The following LAMB2 variants were observed in gnomAD, a reference collection of about 807,000 sequenced individuals.
The protein encoded by LAMB2 is laminin subunit beta 2.
LAMB2 carries 119 observed loss-of-function variants against 202.7 expected under a neutral mutation model. The ratio of observed to expected loss-of-function variants is 0.59; its 90% confidence interval spans 0.51 to 0.68. The LOEUF is 0.68. Among genes scored for constraint, LAMB2 ranks in the 30% least tolerant of loss-of-function variants. The pLI is 0.00. For synonymous variants in LAMB2, 818 were observed against 902.2 expected (o/e 0.91, Z 1.67); for missense variants, 2,124 against 2,410.6 (o/e 0.88, Z 2.49).
At chr3:49,128,403 T>A (rs2045443720) in intron 15 of LAMB2, 55 bp downstream of exon 15, 2 of 1,598,170 alleles carry the variant, frequency 1.3e-6, no homozygotes, top group Non-Finnish European at 1.7e-6. Context: ...GCAGGGAGCT[T>A]AGGGCTGGCC....
Position 49,124,294 on chromosome 3 carries a change from G to A in LAMB2, c.3328-8C>T. 6.2e-7 allele frequency: 1 copy of A among 1,613,918 alleles called. No individual in the cohort carries two copies. The highest frequency in any genetic ancestry group is 8.5e-7 in the Non-Finnish European group (1 of 1,180,002). ...GTGGCACTGCCCTGTGAACTGGGGT[G>A]GGAACAAGGCAGGGTCAGAGCCTCT... On this transcript the variant is annotated splice_region_variant and splice_polypyrimidine_tract_variant and intron_variant, in intron 22 of 31. Transcript: ENST00000305544.
In LAMB2 at chr3:49,129,893, G is replaced by A; in HGVS notation, c.1351C>T (p.Gln451Ter). Residue 451 changes from glutamine (Q) to a stop codon, truncating the protein, a stop_gained, in exon 10 of 32, where the codon CAA (glutamine) becomes TAA (stop). Coordinates refer to ENST00000305544, the MANE Select transcript of LAMB2 (RefSeq NM_002292.4). LOFTEE classifies it high-confidence loss of function. The surrounding 1 kb of genome is among the most constrained non-coding windows in gnomAD (Gnocchi z 6.1). ...KEHVVGTRCQ[Q>*]CRDGFFGLSI... The stretch of plus-strand genomic sequence containing the variant: ...AGCCCAAAGAAGCCATCACGGCATT[G>A]CTGGCAGCGAGTGCCCACCACATGT... The A allele has an allele frequency of 6.2e-7, 1 of 1,614,014 alleles. No individual in the cohort carries two copies. Among genetic ancestry groups the A allele is most frequent in the Non-Finnish European group, 8.5e-7 (1 of 1,180,040 alleles).
In LAMB2 at chr3:49,130,109, T is replaced by A; in HGVS notation, c.1226-91A>T. On this transcript the variant is annotated intron_variant, in intron 9 of 31. Coordinates refer to ENST00000305544, the MANE Select transcript of LAMB2 (RefSeq NM_002292.4). This position sits in a 1 kb window ranked among gnomAD's most constrained non-coding sequence, Gnocchi z 5.0. ...TAAGCCTAAGGGATCCCACCCTGGA[T>A]CCCTGGTCAAGTTCTATCCCAAGCC... 1 of 1,582,972 alleles carries A rather than the reference T, an allele frequency of 6.3e-7. No homozygotes were observed. Among genetic ancestry groups the A allele is most frequent in the Non-Finnish European group, 8.7e-7 (1 of 1,152,892 alleles).
chr3:49,124,260 G>A lies in LAMB2; in HGVS notation c.3354C>T (p.Ala1118=), dbSNP rs763688927. The change falls in exon 23 of 32, where the codon GCC becomes GCT. Residue 1118 remains alanine (A), a synonymous_variant. Transcript: ENST00000305544. The part of the protein sequence containing the change: ...NEFTGQCHCR[A]GFGGRTCSEC... ...CAGAACAAGTCCGCCCTCCAAAGCC[G>A]GCACGGCAGTGGCACTGCCCTGTGA... The A allele has an allele frequency of 9.9e-6, 16 of 1,613,794 alleles. No homozygotes were observed. In the East Asian group the frequency reaches 1.1e-4, roughly 11 times the overall value.
intron 15 of LAMB2, among the ~76,000 whole-genome samples, chr3:49,126,772 C>T (rs902357433): frequency 6.6e-6 from 1 of 152,138 alleles, no homozygotes; most frequent in Non-Finnish European, 1.5e-5. Context: ...AAGAACTTGC[C>T]AATTCTCCTC....
rs1489308795 is a variant in LAMB2 at position 49,131,097 on chromosome 3, T to C, written c.768A>G (p.Gly256=). ...CCCTCCGTGGGTCGAGTAGGTTGTC[T>C]CCCAACGTGTGTAGACGAGTCAGGT... ...RVNLTRLHTL[G]DNLLDPRREI... The change falls in exon 7 of 32, where the codon GGA becomes GGG. Residue 256 remains glycine (G), a synonymous_variant. Coordinates refer to ENST00000305544, the MANE Select transcript of LAMB2 (RefSeq NM_002292.4). The surrounding 1 kb of genome is among the most constrained non-coding windows in gnomAD (Gnocchi z 5.0). 6.2e-7 allele frequency: 1 copy of C among 1,613,646 alleles called. No homozygotes were observed. The highest frequency in any genetic ancestry group is 8.5e-7 in the Non-Finnish European group (1 of 1,180,040).
At position 49,122,155 on chromosome 3, in the gene LAMB2, G is replaced by C; in HGVS notation, c.4781+8C>G. The C allele has an allele frequency of 6.2e-7, 1 of 1,613,560 alleles. No homozygotes were observed. The highest frequency in any genetic ancestry group is 8.5e-7 in the Non-Finnish European group (1 of 1,180,016). ...TGTCAGGGATAGGGGCCAGGGATGG[G>C]GTCAGACCTTGCCCGCCGTGCATCC... On this transcript the variant is annotated splice_region_variant and intron_variant, in intron 28 of 31. Transcript: ENST00000305544.
rs373780035 is a variant in LAMB2, at chr3:49,123,647, G to T, written c.3798-16C>A. 1.7e-5 allele frequency: 28 copies of T among 1,613,936 alleles called. No individual in the cohort carries two copies. Among genetic ancestry groups the T allele is most frequent in the South Asian group, 3.3e-5 (3 of 91,084 alleles). ...AATTTCACGCCTGCAATGATGGAGA[G>T]GGGGGTGTTTAGAGAGGCTTCAGCC... On this transcript the variant is annotated splice_polypyrimidine_tract_variant and intron_variant, in intron 24 of 31. Transcript: ENST00000305544.
Position 49,132,990 on chromosome 3 carries a change from T to G in LAMB2, c.-123A>C, listed in dbSNP as rs1254106590. On this transcript the variant is annotated 5_prime_UTR_variant, in exon 1 of 32. Coordinates refer to ENST00000305544, the MANE Select transcript of LAMB2 (RefSeq NM_002292.4). The surrounding 1 kb of genome is among the most constrained non-coding windows in gnomAD (Gnocchi z 4.6). ...TTGGCCTGTTTCCCTCCAGGCCCTC[T>G]GTCAGTTCCCAGGTCTGTCCAGCGG... The G allele has an allele frequency of 6.0e-6, 5 of 837,704 alleles. No homozygotes were observed. In the South Asian group the frequency reaches 7.4e-5, roughly 12 times the overall value. The allele number at this position is 837,704 out of a possible 1,614,324, so 51.9% of individuals were successfully genotyped here.
chr3:49,129,011 G>T lies in LAMB2; in HGVS notation c.1731+9C>A. ...CATCCAGCCCTCTGCTTAGGGGGAG[G>T]CCCCACACCTGCCCTCGGGTGTCCT... is the stretch of plus-strand genomic sequence containing the variant. On this transcript the variant is annotated intron_variant, in intron 13 of 31. Transcript: ENST00000305544. The surrounding 1 kb of genome is among the most constrained non-coding windows in gnomAD (Gnocchi z 6.1). 3.1e-6 allele frequency: 5 copies of T among 1,607,050 alleles called. No homozygotes were observed. Among genetic ancestry groups the T allele is most frequent in the Non-Finnish European group, 4.2e-6 (5 of 1,179,976 alleles).
rs370382927 is a variant in LAMB2 at position 49,122,921 on chromosome 3, T to A, written c.4356A>T (p.Ala1452=). Residue 1452 remains alanine (A), a synonymous_variant, in exon 27 of 32, where the codon GCA becomes GCT. Coordinates refer to ENST00000305544, the MANE Select transcript of LAMB2 (RefSeq NM_002292.4). ...CNGAAATADL[A]LGRARHTQAE... ...CCTGTGTGTGCCGGGCCCGGCCCAG[T>A]GCTAGGTCTGCTGTAGCCGCTGCCC... 6 of 1,608,764 alleles carry A rather than the reference T, an allele frequency of 3.7e-6. No individual in the cohort carries two copies. In the South Asian group the frequency reaches 5.5e-5, roughly 15 times the overall value.
Position 49,124,061 on chromosome 3 carries a change from C to T in LAMB2, c.3464G>A (p.Cys1155Tyr), listed in dbSNP as rs776879690. 6.2e-7 allele frequency: 1 copy of T among 1,613,952 alleles called. No homozygotes were observed. The highest frequency in any genetic ancestry group is 1.7e-5 in the Admixed American group (1 of 60,026). The change falls in exon 24 of 32, where the codon TGT (cysteine) becomes TAT (tyrosine). Residue 1155 changes from cysteine to tyrosine, a missense_variant. Coordinates refer to ENST00000305544, the MANE Select transcript of LAMB2 (RefSeq NM_002292.4). Reference protein sequence around the residue: ...CDSRGIDTPQCHRFTGHCSCR... With the variant: ...CDSRGIDTPQYHRFTGHCSCR... ...GCTGCAGTGACCTGTGAAGCGGTGA[C>T]ACTGAGGTGTATCTATTCCACGAGA...
rs1412434127 is a variant in LAMB2 at position 49,124,605 on chromosome 3, T to C, written c.3117A>G (p.Thr1039=). Residue 1039 remains threonine, a synonymous_variant, in exon 22 of 32, where the codon ACA becomes ACG. Coordinates refer to ENST00000305544, the MANE Select transcript of LAMB2 (RefSeq NM_002292.4). ...GCGGATTTGTGCCCAGCAGGTTGCATGTGCAGCCTGTGCCAACCAAGATGA... is the reference window on the plus strand; with the variant it reads ...GCGGATTTGTGCCCAGCAGGTTGCACGTGCAGCCTGTGCCAACCAAGATGA... The part of the protein sequence containing the change: ...QAARQSCHRC[T]CNLLGTNPQQ... 2 of 1,613,636 alleles carry C rather than the reference T, an allele frequency of 1.2e-6. No individual in the cohort carries two copies. Among genetic ancestry groups the C allele is most frequent in the Non-Finnish European group, 8.5e-7 (1 of 1,179,882 alleles).
At chr3:49,126,221 C>T in intron 16 of LAMB2, 62 bp from the exon 17 acceptor site, 1 of 1,603,634 alleles carries the variant, frequency 6.2e-7, no homozygotes, top group Non-Finnish European at 8.5e-7. Flanking sequence ...ATTGCCAGAG[C>T]ACTTGCCTTA....
rs772756808 is a variant in LAMB2, at chr3:49,129,752, C to T, written c.1406-36G>A. ...GGAGAACCATCAGCACTTTGGGAAACTGTGGCAGTGCTCATGTTCAGCTGA... is the reference window on the plus strand; with the variant it reads ...GGAGAACCATCAGCACTTTGGGAAATTGTGGCAGTGCTCATGTTCAGCTGA... On this transcript the variant is annotated intron_variant, in intron 10 of 31. Transcript: ENST00000305544. This position sits in a 1 kb window ranked among gnomAD's most constrained non-coding sequence, Gnocchi z 6.1. 1.2e-6 allele frequency: 2 copies of T among 1,609,146 alleles called. No homozygotes were observed. The highest frequency in any genetic ancestry group is 1.7e-6 in the Non-Finnish European group (2 of 1,175,570).
rs769132267 is a variant in LAMB2, at chr3:49,124,872, C to T, written c.2938G>A (p.Gly980Ser). The T allele has an allele frequency of 1.2e-6, 2 of 1,614,154 alleles. No individual in the cohort carries two copies. Among genetic ancestry groups the T allele is most frequent in the Non-Finnish European group, 1.7e-6 (2 of 1,180,032 alleles). The change falls in exon 21 of 32, where the codon GGT becomes AGT. Residue 980 changes from glycine (G) to serine (S), a missense_variant. Around this residue, in one of 3 missense-constraint regions of LAMB2, gnomAD observed 1,702 missense variants for 1,896.3 expected, o/e 0.90. Transcript: ENST00000305544. ...CACTCACACAGTTGGCACCGGCCACCTGGCCTTGATGGGTCCCCAAAGTGC... is the reference window on the plus strand; with the variant it reads ...CACTCACACAGTTGGCACCGGCCACTTGGCCTTGATGGGTCCCCAAAGTGC... ...PGHFGDPSRP[G>S]GRCQLCECSG...
At position 49,121,806 on chromosome 3, in the gene LAMB2, C is replaced by T; in HGVS notation, c.4978G>A (p.Ala1660Thr). 1.9e-6 allele frequency: 3 copies of T among 1,613,230 alleles called. No homozygotes were observed. The highest frequency in any genetic ancestry group is 2.5e-6 in the Non-Finnish European group (3 of 1,180,006). The change falls in exon 30 of 32, where the codon GCT becomes ACT. Residue 1660 changes from alanine to threonine, a missense_variant. Ala to Thr is a moderately conservative substitution (Grantham distance 58). Transcript: ENST00000305544. ...ERALSSAGERARQLDALLEAL... is the reference protein window; with the variant it reads ...ERALSSAGERTRQLDALLEAL... ...TCCAGGAGAGCATCCAACTGCCGAG[C>T]CCTTTCACCTGCAGAGCTCAGTGCC... is the stretch of plus-strand genomic sequence containing the variant.
Position 49,131,118 on chromosome 3 carries a change from C to A in LAMB2, c.747G>T (p.Leu249=). Residue 249 remains leucine, a synonymous_variant, in exon 7 of 32, where the codon CTG becomes CTT. Transcript: ENST00000305544. The surrounding 1 kb of genome is among the most constrained non-coding windows in gnomAD (Gnocchi z 5.0). ...LLKITNLRVN[L]TRLHTLGDNL... ...TGTCTCCCAACGTGTGTAGACGAGT[C>A]AGGTTCACCCGTAGGTTGGTGATCT... 1 of 1,613,140 alleles carries A rather than the reference C, an allele frequency of 6.2e-7. No individual in the cohort carries two copies. The highest frequency in any genetic ancestry group is 8.5e-7 in the Non-Finnish European group (1 of 1,179,862).
In LAMB2 at chr3:49,131,288, G is replaced by A. The variant is rs1333889902; in HGVS notation, c.712+91C>T. On this transcript the variant is annotated intron_variant, in intron 6 of 31. Coordinates refer to ENST00000305544, the MANE Select transcript of LAMB2 (RefSeq NM_002292.4). This position sits in a 1 kb window ranked among gnomAD's most constrained non-coding sequence, Gnocchi z 5.0. Reference sequence around the variant, plus strand: ...CCGAGCTAAACTGGGCTTGGCACCTGCCCTAGGAAGCACCCAAAATAGTTA... The same window carrying A: ...CCGAGCTAAACTGGGCTTGGCACCTACCCTAGGAAGCACCCAAAATAGTTA... 5 of 1,500,598 alleles carry A rather than the reference G, an allele frequency of 3.3e-6. No homozygotes were observed. The highest frequency in any genetic ancestry group is 2.3e-5 in the East Asian group (1 of 42,958). The allele number at this position is 1,500,598 out of a possible 1,614,324, so 93.0% of individuals were successfully genotyped here.
Sources: allele counts gnomAD v4.1 joint callset (sites outside exome capture counted in the v4.1 genomes callset), GRCh38; gene constraint gnomAD v4.1.1; regional missense constraint gnomAD v4.1.1; non-coding constraint Gnocchi (gnomAD v3.1); transcripts MANE v1.5; gene names NCBI Gene and HGNC (gene_info 2026-07-23, HGNC 2026-07-21).